Variants in GPC6 observed in about 807,000 individuals in gnomAD.
GPC6 encodes the protein glypican 6.
In GPC6, 14 loss-of-function variants were observed where a neutral mutation model predicts 55.2. The ratio of observed to expected loss-of-function variants is 0.25; its 90% confidence interval spans 0.17 to 0.40. GPC6 has a LOEUF of 0.40. Ranked by LOEUF, GPC6 falls within the 10% of genes least tolerant of loss-of-function variation. The pLI is 1.00. For missense variants in GPC6, 641 were observed against 708.5 expected, an observed-to-expected ratio of 0.90 and a Z score of 1.08; for synonymous variants, 278 against 259.6, an observed-to-expected ratio of 1.07 and a Z score of -0.68.
At chr13:93,566,809 G>A (rs776437432) in intron 2 of GPC6, among the ~76,000 whole-genome samples, 8 of 152,042 alleles carry the variant, frequency 5.3e-5, no homozygotes, top group Non-Finnish European at 1.0e-4. Flanking sequence ...GTGAGAACAT[G>A]TACTGTTTGG....
intron 4 of GPC6, among the ~76,000 whole-genome samples, chr13:94,144,438 CACACACCAG>C (rs1887490414): frequency 6.7e-6 from 1 of 150,036 alleles, no homozygotes; most frequent in Non-Finnish European, 1.5e-5. Flanking sequence ...CACACACACA[CACACACCAG>C]AAATGGAACA....
chr13:94,149,093 C>A (rs1812956104), intron 4 of GPC6, among the ~76,000 whole-genome samples: 2 of 152,152 alleles, frequency 1.3e-5, no homozygotes, highest in African/African-American at 2.4e-5. Context: ...TTTTCATGGT[C>A]TCTTTTCTAC....
At chr13:94,188,758 C>A (rs1402912470) in intron 4 of GPC6, among the ~76,000 whole-genome samples, 1 of 152,072 alleles carries the variant, frequency 6.6e-6, no homozygotes, top group African/African-American at 2.4e-5. Flanking sequence ...ACTTGCACCA[C>A]ACCCCATCCC....
chr13:93,368,635 C>T (rs1881346543), intron 1 of GPC6, among the ~76,000 whole-genome samples: 1 of 151,950 alleles, frequency 6.6e-6, no homozygotes, highest in South Asian at 2.1e-4. Flanking sequence ...ATTCTCCAGA[C>T]ATGGTGCTGC....
At chr13:93,772,050 T>G (rs1885317732) in intron 2 of GPC6, among the ~76,000 whole-genome samples, 1 of 152,170 alleles carries the variant, frequency 6.6e-6, no homozygotes, top group Admixed American at 6.6e-5. Flanking sequence ...CCATATCATA[T>G]CTGACAATAT....
intron 1 of GPC6, among the ~76,000 whole-genome samples, chr13:93,438,124 A>T (rs1044832515): frequency 6.7e-6 from 1 of 149,430 alleles, no homozygotes; most frequent in Non-Finnish European, 1.5e-5. Flanking sequence ...ACTGCTCAGA[A>T]AAAAGTATTA....
At chr13:94,231,583 G>T (rs960498762) in intron 4 of GPC6, among the ~76,000 whole-genome samples, 36 of 152,092 alleles carry the variant, frequency 2.4e-4, no homozygotes, top group African/African-American at 8.7e-4. Flanking sequence ...TCATCAGAGG[G>T]TTTGCTTATT....
At chr13:93,293,657 C>A (rs1878388524) in intron 1 of GPC6, among the ~76,000 whole-genome samples, 1 of 152,178 alleles carries the variant, frequency 6.6e-6, no homozygotes, top group African/African-American at 2.4e-5. Context: ...TTGAAGGAGG[C>A]ACACTAAATA....
At chr13:93,452,161 C>T (rs1455929739) in intron 1 of GPC6, among the ~76,000 whole-genome samples, 1 of 152,012 alleles carries the variant, frequency 6.6e-6, no homozygotes, top group African/African-American at 2.4e-5. Flanking sequence ...CATGCTTCAG[C>T]CTATTTGCTT....
intron 4 of GPC6, among the ~76,000 whole-genome samples, chr13:94,084,635 C>T (rs141246568): frequency 0.011 from 1,249 of 111,926 alleles, 12 homozygotes; most frequent in South Asian, 0.032. Flanking sequence ...GTTTGTTTTG[C>T]GTGTCCTGAG....
intron 1 of GPC6, among the ~76,000 whole-genome samples, chr13:93,276,935 T>A (rs1877775389): frequency 6.6e-6 from 1 of 152,194 alleles, no homozygotes; most frequent in African/African-American, 2.4e-5. Flanking sequence ...ATCTGCCTTG[T>A]ACAAATAAAA....
chr13:93,912,332 A>G (rs1877026203), intron 3 of GPC6, among the ~76,000 whole-genome samples: 1 of 152,174 alleles, frequency 6.6e-6, no homozygotes, highest in African/African-American at 2.4e-5. Flanking sequence ...AAGATAAAAT[A>G]CAATTAATGG....
chr13:94,148,746 A>T (rs1166166698), intron 4 of GPC6, among the ~76,000 whole-genome samples: 1 of 152,116 alleles, frequency 6.6e-6, no homozygotes, highest in Non-Finnish European at 1.5e-5. Flanking sequence ...ATGATGTTTG[A>T]TGGTGGGAAG....
chr13:93,227,469 A>ATCGGGGCTGTGATTCTTCCCCTCT lies in GPC6; in HGVS notation c.15_38dup (p.Leu12_Leu13insPheGlyAlaValIleLeuProLeu). 6.2e-7 allele frequency: 1 copy of ATCGGGGCTGTGATTCTTCCCCTCT among 1,613,620 alleles called. No individual in the cohort carries two copies. The highest frequency in any genetic ancestry group is 8.5e-7 in the Non-Finnish European group (1 of 1,179,782). ...TGTATGTTGCACCATGCCTTCTTGG[A>ATCGGGGCTGTGATTCTTCCCCTCT]TCGGGGCTGTGATTCTTCCCCTCTT... On this transcript the variant is annotated inframe_insertion, in exon 1 of 9. Transcript: ENST00000377047. The surrounding 1 kb of genome is among the most constrained non-coding windows in gnomAD (Gnocchi z 4.3).
chr13:93,431,366 G>A (rs560431365), intron 1 of GPC6, among the ~76,000 whole-genome samples: 1 of 152,108 alleles, frequency 6.6e-6, no homozygotes, highest in Non-Finnish European at 1.5e-5. Context: ...AAACATGAAG[G>A]TTAGCCATAT....
intron 3 of GPC6, among the ~76,000 whole-genome samples, chr13:93,991,936 A>G (rs1282026940): frequency 1.3e-5 from 2 of 152,072 alleles, no homozygotes; most frequent in South Asian, 2.1e-4. Flanking sequence ...AAGTCCTAGA[A>G]CTAGCTTTGT....
At chr13:93,585,222 A>G (rs1304407103) in intron 2 of GPC6, among the ~76,000 whole-genome samples, 1 of 152,124 alleles carries the variant, frequency 6.6e-6, no homozygotes, top group African/African-American at 2.4e-5. Context: ...GAAATTGACA[A>G]TTGCTTTTCA....
chr13:93,297,855 G>A (rs1043724238), intron 1 of GPC6, among the ~76,000 whole-genome samples: 1 of 152,104 alleles, frequency 6.6e-6, no homozygotes, highest in African/African-American at 2.4e-5. Flanking sequence ...AAAATGCGAT[G>A]GGACATAAGT....
chr13:94,393,703 C>T (rs1027123848), intron 7 of GPC6, among the ~76,000 whole-genome samples: 2 of 152,070 alleles, frequency 1.3e-5, no homozygotes, highest in Non-Finnish European at 2.9e-5. Context: ...ATGACACCCC[C>T]ACCAAGCACC....
Sources: gnomAD v4.1 joint callset for allele counts (sites outside exome capture counted in the v4.1 genomes callset) on GRCh38, gnomAD v4.1.1 for gene constraint, Gnocchi (gnomAD v3.1) non-coding constraint, MANE v1.5 for transcripts, NCBI Gene and HGNC (gene_info 2026-07-23, HGNC 2026-07-21) for gene names.